Variants in IFT56 observed in about 807,000 individuals in gnomAD.
IFT56 encodes intraflagellar transport protein 56.
At chr7:139,173,766 G>T in the IFT56 span, 2 of 759,068 alleles carry the variant, frequency 2.6e-6, no homozygotes, top group East Asian at 2.5e-5. Flanking sequence ...TATGATGTTG[G>T]TCTGGCATGA....
chr7:139,178,572 A>G, the IFT56 span: 1 of 1,614,124 alleles, frequency 6.2e-7, no homozygotes, highest in Non-Finnish European at 8.5e-7. Context: ...CAAAGCTGCA[A>G]CAGGCAATAC....
chr7:139,174,047 C>T, the IFT56 span: 1 of 610,352 alleles, frequency 1.6e-6, no homozygotes, highest in Admixed American at 1.9e-5. Context: ...AGTCAATCAA[C>T]ACCAGGCAAC....
At chr7:139,152,897 C>T in the IFT56 span, among the ~76,000 whole-genome samples, 7 of 152,186 alleles carry the variant, frequency 4.6e-5, no homozygotes, top group Non-Finnish European at 4.4e-5. Flanking sequence ...GCCTGTAATC[C>T]TAGCACTTTG....
the IFT56 span, among the ~76,000 whole-genome samples, chr7:139,183,611 C>T: frequency 2.0e-5 from 3 of 151,350 alleles, no homozygotes; most frequent in Non-Finnish European, 4.4e-5. Flanking sequence ...AAACATAACC[C>T]AATTATGTGT....
the IFT56 span, among the ~76,000 whole-genome samples, chr7:139,153,133 A>G: frequency 1.4e-5 from 2 of 147,672 alleles, no homozygotes; most frequent in African/African-American, 5.2e-5. Context: ...CGAGCAACGG[A>G]GCAAGACTCC....
the IFT56 span, among the ~76,000 whole-genome samples, chr7:139,137,529 C>T: frequency 6.6e-6 from 1 of 152,334 alleles, no homozygotes; most frequent in African/African-American, 2.4e-5. Flanking sequence ...CCTCTCTAAC[C>T]TTCAGTTATT....
At chr7:139,183,594 G>A in the IFT56 span, among the ~76,000 whole-genome samples, 37,521 of 150,970 alleles carry the variant, frequency 0.25, 8,391 homozygotes, top group African/African-American at 0.57. Flanking sequence ...TGAGAGAGTG[G>A]ATTAAAAAAC....
chr7:139,168,172 C>CT, the IFT56 span, among the ~76,000 whole-genome samples: 1 of 151,990 alleles, frequency 6.6e-6, no homozygotes, highest in East Asian at 1.9e-4. Context: ...CTGCTGGAAA[C>CT]TAAATGAGTG....
At chr7:139,133,893 G>A in the IFT56 span, 1,718 of 1,614,144 alleles carry the variant, frequency 1.1e-3, 2 homozygotes, top group Non-Finnish European at 1.4e-3. Context: ...GGAGTACTTT[G>A]AGTAGGTCCT....
chr7:139,175,884 C>T, the IFT56 span, among the ~76,000 whole-genome samples: 3 of 151,956 alleles, frequency 2.0e-5, no homozygotes, highest in South Asian at 2.1e-4. Context: ...GGCTGGAATG[C>T]GGTGGCATGA....
the IFT56 span, among the ~76,000 whole-genome samples, chr7:139,171,907 G>C: frequency 6.6e-3 from 1,001 of 152,240 alleles, 14 homozygotes; most frequent in African/African-American, 0.023. Flanking sequence ...AAGTATAGCT[G>C]TAAAATCTCA....
the IFT56 span, among the ~76,000 whole-genome samples, chr7:139,177,537 G>A: frequency 1.3e-5 from 2 of 151,204 alleles, no homozygotes; most frequent in African/African-American, 4.9e-5. Context: ...CTTAAGATTA[G>A]TTTTGTGTTT....
the IFT56 span, among the ~76,000 whole-genome samples, chr7:139,171,835 G>A: frequency 6.6e-6 from 1 of 152,102 alleles, no homozygotes; most frequent in Non-Finnish European, 1.5e-5. Flanking sequence ...AAACAAGATA[G>A]GCTTTATTTA....
chr7:139,133,854 C>G, the IFT56 span: 1 of 1,614,198 alleles, frequency 6.2e-7, no homozygotes, highest in Non-Finnish European at 8.5e-7. Context: ...AGACCGACGT[C>G]AAGATGGTTA....
At chr7:139,183,474 C>G in the IFT56 span, among the ~76,000 whole-genome samples, 5 of 151,750 alleles carry the variant, frequency 3.3e-5, no homozygotes, top group Non-Finnish European at 5.9e-5. Flanking sequence ...TGTGTGAGGT[C>G]CTTGTCAAAG....
the IFT56 span, among the ~76,000 whole-genome samples, chr7:139,153,073 C>T: frequency 2.0e-5 from 3 of 150,780 alleles, no homozygotes; most frequent in Non-Finnish European, 4.4e-5. Flanking sequence ...CGCTTGAACC[C>T]GGGAGGCGGA....
the IFT56 span, among the ~76,000 whole-genome samples, chr7:139,165,473 A>G: frequency 4.0e-5 from 6 of 149,694 alleles, no homozygotes; most frequent in South Asian, 1.3e-3. Flanking sequence ...TTATTTTGCT[A>G]TCCTTTATTC....
chr7:139,143,077 T>A, the IFT56 span, among the ~76,000 whole-genome samples: 1 of 152,176 alleles, frequency 6.6e-6, no homozygotes, highest in African/African-American at 2.4e-5. Flanking sequence ...GTGCCATTAT[T>A]TATTCAGTGT....
At chr7:139,134,125 A>C in the IFT56 span, among the ~76,000 whole-genome samples, 5 of 152,210 alleles carry the variant, frequency 3.3e-5, no homozygotes, top group Non-Finnish European at 7.3e-5. Flanking sequence ...AGCAATGCGA[A>C]AGCATCTCTA....
Sources: gnomAD v4.1 joint callset for allele counts (sites outside exome capture counted in the v4.1 genomes callset) on GRCh38, gnomAD v4.1.1 for gene constraint, MANE v1.5 for transcripts, NCBI Gene and HGNC (gene_info 2026-07-23, HGNC 2026-07-21) for gene names.